The following FAM168B variants were observed in gnomAD, a reference collection of about 807,000 sequenced individuals.
FAM168B encodes the protein myelin-associated neurite-outgrowth inhibitor.
In FAM168B, 19 loss-of-function variants were observed where a neutral mutation model predicts 21.8. The ratio of observed to expected loss-of-function variants is 0.87; its 90% CI spans 0.61 to 1.28. The LOEUF is 1.28. FAM168B is among the 50% of genes most tolerant of loss of function. FAM168B has a pLI of 0.00. For synonymous variants in FAM168B, 126 were observed against 104.8 expected, an observed-to-expected ratio of 1.20 and a Z score of -1.24; for missense variants, 233 against 263.1, an observed-to-expected ratio of 0.89 and a Z score of 0.79.
At chr2:131,092,878 T>C (rs1221667502) in intron 1 of FAM168B, among the ~76,000 whole-genome samples, 2 of 152,190 alleles carry the variant, frequency 1.3e-5, no homozygotes, top group East Asian at 3.9e-4. Flanking sequence ...TGGAAATGAC[T>C]ATTGTCACAA....
intron 1 of FAM168B, among the ~76,000 whole-genome samples, chr2:131,091,544 G>A (rs1376528380): frequency 2.0e-5 from 3 of 150,842 alleles, no homozygotes; most frequent in Admixed American, 1.3e-4. Context: ...CTACTCGGGA[G>A]GCTGAGACAG....
At chr2:131,090,319 CAAAAA>C (rs1179969129) in intron 1 of FAM168B, among the ~76,000 whole-genome samples, 2 of 75,216 alleles carry the variant, frequency 2.7e-5, no homozygotes, top group South Asian at 8.1e-4. Context: ...ACTCTTGTCT[CAAAAA>C]AAAAAAAAAA....
intron 2 of FAM168B, among the ~76,000 whole-genome samples, chr2:131,078,114 A>AC (rs2105551554): frequency 6.6e-6 from 1 of 152,358 alleles, no homozygotes; most frequent in African/African-American, 2.4e-5. Context: ...ACTGCGTGAG[A>AC]CAGTTAATGA....
At chr2:131,060,284 A>G (rs76463400) in intron 3 of FAM168B, among the ~76,000 whole-genome samples, 25,361 of 152,110 alleles carry the variant, frequency 0.17, 2,476 homozygotes, top group African/African-American at 0.27. Flanking sequence ...TTGGCCTCCC[A>G]AAGTGCTGGG....
chr2:131,069,662 T>A (rs1309724321), intron 3 of FAM168B, among the ~76,000 whole-genome samples: 2 of 151,490 alleles, frequency 1.3e-5, no homozygotes, highest in Non-Finnish European at 2.9e-5. Context: ...ACCAGCTAAT[T>A]TTTTGTATTT....
intron 1 of FAM168B, among the ~76,000 whole-genome samples, 191 bp from the exon 2 acceptor site, chr2:131,082,848 A>G (rs1693487416): frequency 6.6e-6 from 1 of 152,194 alleles, no homozygotes; most frequent in Non-Finnish European, 1.5e-5. Flanking sequence ...AAACCAGGGC[A>G]TGATAAACTT....
chr2:131,079,598 G>A (rs1172036141), intron 2 of FAM168B, among the ~76,000 whole-genome samples: 1 of 152,196 alleles, frequency 6.6e-6, no homozygotes, highest in Non-Finnish European at 1.5e-5. Context: ...GAAGATGCAA[G>A]GAATGGATTT....
intron 2 of FAM168B, 65 bp from the exon 3 acceptor site, chr2:131,072,003 G>T: frequency 1.4e-6 from 2 of 1,428,850 alleles, no homozygotes; most frequent in Non-Finnish European, 2.0e-6. Context: ...TAGAGCTCCT[G>T]CAAAGCCATC....
chr2:131,051,608 A>C lies in FAM168B; in HGVS notation c.*857T>G. ...GGAAAATAATTTAGTTTTACATAGG[A>C]CTTTTCCAATAAAGACATATAAAAA... is the stretch of plus-strand genomic sequence containing the variant. On this transcript the variant is annotated 3_prime_UTR_variant, in exon 7 of 7. Coordinates refer to ENST00000389915, the MANE Select transcript of FAM168B (RefSeq NM_001009993.4). 3.0e-6 allele frequency: 3 copies of C among 985,314 alleles called. No homozygotes were observed. The highest frequency in any genetic ancestry group is 3.6e-6 in the Non-Finnish European group (3 of 829,902). 61.0% of individuals were successfully genotyped at this position (985,314 alleles called of 1,614,324 possible). A position where few individuals can be genotyped will look rare whatever the true frequency, so the allele number is the denominator to read the frequency against.
Position 131,088,605 on chromosome 2 carries a change from G to A in FAM168B, c.-12+4609C>T, listed in dbSNP as rs115287579. Among the ~76,000 whole-genome samples, 848 of 152,158 alleles carry A rather than the reference G, an allele frequency of 5.6e-3. 6 individuals are homozygous for A. Among genetic ancestry groups the A allele is most frequent in the African/African-American group, 0.019 (783 of 41,508 alleles). On this transcript the variant is annotated intron_variant, in intron 1 of 6. Coordinates refer to ENST00000389915, the MANE Select transcript of FAM168B (RefSeq NM_001009993.4). ...TATGAAACAATTATGTTTAATCCTG[G>A]TAACAGTACTGTGATTATGTATAGT... is the stretch of plus-strand genomic sequence containing the variant.
At chr2:131,057,731 T>A (rs572667315) in intron 3 of FAM168B, among the ~76,000 whole-genome samples, 6 of 152,236 alleles carry the variant, frequency 3.9e-5, no homozygotes, top group Non-Finnish European at 7.3e-5. Flanking sequence ...GGCGACAAAG[T>A]AAGACGCTGT....
At chr2:131,082,693 T>C in intron 1 of FAM168B, 36 bp from the exon 2 acceptor site, 2 of 1,456,744 alleles carry the variant, frequency 1.4e-6, no homozygotes, top group Non-Finnish European at 1.9e-6. Context: ...CCAAGCACTT[T>C]TGCTCTCAGA....
In FAM168B at chr2:131,076,732, A is replaced by C. The variant is rs193068104; in HGVS notation, c.71-4794T>G. 8.5e-5 allele frequency among the ~76,000 whole-genome samples: 13 copies of C among 152,280 alleles called. No individual in the cohort carries two copies. The East Asian group carries it at 2.5e-3, about 29-fold the overall frequency. ...AGCAAAAAATACCATAGTTAAGCAA[A>C]AGGACAAATTCAGATAAAGTATCTA... On this transcript the variant is annotated intron_variant, in intron 2 of 6. Coordinates refer to ENST00000389915, the MANE Select transcript of FAM168B (RefSeq NM_001009993.4).
intron 3 of FAM168B, among the ~76,000 whole-genome samples, chr2:131,057,547 A>G (rs1022054831): frequency 9.9e-5 from 15 of 152,182 alleles, no homozygotes; most frequent in Non-Finnish European, 2.9e-5. Context: ...TGGTGGTTCC[A>G]TGGGCATGTA....
chr2:131,052,199 T>C lies in FAM168B; in HGVS notation c.*266A>G. On this transcript the variant is annotated 3_prime_UTR_variant, in exon 7 of 7. Transcript: ENST00000389915. ...GCATTCAACTAGATATGATTCAGAA[T>C]AGATTAATACTCCCTTTTTATCATT... The C allele has an allele frequency of 1.0e-6, 1 of 985,802 alleles. No homozygotes were observed. The highest frequency in any genetic ancestry group is 1.2e-6 in the Non-Finnish European group (1 of 829,934). 61.1% of individuals were successfully genotyped at this position (985,802 alleles called of 1,614,324 possible).
chr2:131,052,339 G>A lies in FAM168B; in HGVS notation c.*126C>T, dbSNP rs1481910625. The A allele has an allele frequency of 7.1e-6, 7 of 986,040 alleles. No homozygotes were observed. The African/African-American group carries it at 8.7e-5, about 12-fold the overall frequency. The allele number at this position is 986,040 out of a possible 1,614,324, so 61.1% of individuals were successfully genotyped here. A position where few individuals can be genotyped will look rare whatever the true frequency, so the allele number is the denominator to read the frequency against. On this transcript the variant is annotated 3_prime_UTR_variant, in exon 7 of 7. Coordinates refer to ENST00000389915, the MANE Select transcript of FAM168B (RefSeq NM_001009993.4). ...GGGCCTGCTGGGCCGGGATATAGTC[G>A]TGTTTAGCTAAGTGTCGAGAGCATT...
rs527644934 is a variant in FAM168B, at chr2:131,052,310, G to A, written c.*155C>T. 30 of 985,986 alleles carry A rather than the reference G, an allele frequency of 3.0e-5. No individual in the cohort carries two copies. Among genetic ancestry groups the A allele is most frequent in the East Asian group, 2.3e-4 (2 of 8,814 alleles). The allele number at this position is 985,986 out of a possible 1,614,324, so 61.1% of individuals were successfully genotyped here. A position where few individuals can be genotyped will look rare whatever the true frequency, so the allele number is the denominator to read the frequency against. ...ACAGAGTCAGCTGGAGACTAACGGC[G>A]CTGGGGCCTGCTGGGCCGGGATATA... On this transcript the variant is annotated 3_prime_UTR_variant, in exon 7 of 7. Coordinates refer to ENST00000389915, the MANE Select transcript of FAM168B (RefSeq NM_001009993.4).
intron 1 of FAM168B, among the ~76,000 whole-genome samples, chr2:131,084,520 A>C (rs1453797321): frequency 1.3e-5 from 2 of 151,840 alleles, no homozygotes; most frequent in Non-Finnish European, 2.9e-5. Context: ...ATTTCTTCAA[A>C]AACTTGTTAA....
chr2:131,050,374 C>A lies in FAM168B; in HGVS notation c.*2091G>T. ...AAAAAAGACTTCTCTGCTACTTGGT[C>A]AGCTGAACCCCTGGAACCGTTAGAA... is the stretch of plus-strand genomic sequence containing the variant. On this transcript the variant is annotated 3_prime_UTR_variant, in exon 7 of 7. Transcript: ENST00000389915. 1 of 985,748 alleles carries A rather than the reference C, an allele frequency of 1.0e-6. No individual in the cohort carries two copies. 61.1% of individuals were successfully genotyped at this position (985,748 alleles called of 1,614,324 possible). A position where few individuals can be genotyped will look rare whatever the true frequency, so the allele number is the denominator to read the frequency against.
Sources: allele counts gnomAD v4.1 joint callset (sites outside exome capture counted in the v4.1 genomes callset), GRCh38; gene constraint gnomAD v4.1.1; transcripts MANE v1.5; gene names NCBI Gene and HGNC (gene_info 2026-07-23, HGNC 2026-07-21).